The following NRXN3 variants were observed in gnomAD, a reference collection of about 807,000 sequenced individuals.
The protein encoded by NRXN3 is neurexin 3.
A neutral mutation model predicts 137.6 loss-of-function variants in NRXN3; 32 were observed. The ratio of observed to expected loss-of-function variants is 0.23; its 90% CI spans 0.18 to 0.31. NRXN3 has a LOEUF of 0.31. Among genes scored for constraint, NRXN3 ranks in the 10% least tolerant of loss-of-function variants. NRXN3 has a pLI of 1.00. For missense variants in NRXN3, 1,574 were observed against 2,062.5 expected, an observed-to-expected ratio of 0.76 and a Z score of 4.59; for synonymous variants, 798 against 784.5, an observed-to-expected ratio of 1.02 and a Z score of -0.29.
chr14:79,280,816 T>G (rs1010344833), intron 15 of NRXN3: 5 of 412,108 alleles, frequency 1.2e-5, no homozygotes, highest in African/African-American at 6.0e-5. Flanking sequence ...ACTCTCTCTT[T>G]TGCAACCTTC....
chr14:79,217,639 T>C (rs1434856875), intron 15 of NRXN3, among the ~76,000 whole-genome samples: 3 of 152,194 alleles, frequency 2.0e-5, no homozygotes, highest in Admixed American at 2.0e-4. Flanking sequence ...AGTGATGTTC[T>C]AGTGGTTCTC....
In NRXN3 at chr14:79,725,880, G is replaced by A. The variant is rs187555332; in HGVS notation, c.4014+27943G>A. ...CAGTGCAGTTGTTTGCTAACATCTGGGTGTACTTTTTGCAACATGGGGAGA... is the reference window on the plus strand; with the variant it reads ...CAGTGCAGTTGTTTGCTAACATCTGAGTGTACTTTTTGCAACATGGGGAGA... On this transcript the variant is annotated intron_variant, in intron 19 of 20. Transcript: ENST00000335750. Among the ~76,000 whole-genome samples the A allele has an allele frequency of 5.9e-5, 9 of 152,164 alleles. No homozygotes were observed. In the East Asian group the frequency reaches 1.7e-3, roughly 29 times the overall value.
chr14:79,785,580 T>C (rs1223487906), intron 19 of NRXN3, among the ~76,000 whole-genome samples: 1 of 152,200 alleles, frequency 6.6e-6, no homozygotes. Context: ...ACTCAGAATC[T>C]ATCTCTCTTT....
intron 15 of NRXN3, among the ~76,000 whole-genome samples, chr14:79,077,464 T>C (rs2046170065): frequency 6.6e-6 from 1 of 152,202 alleles, no homozygotes; most frequent in Non-Finnish European, 1.5e-5. Flanking sequence ...AAATTATTAA[T>C]TTCTCTCCCT....
intron 19 of NRXN3, among the ~76,000 whole-genome samples, chr14:79,754,799 G>T (rs964589963): frequency 1.3e-5 from 2 of 151,782 alleles, no homozygotes; most frequent in African/African-American, 2.4e-5. Flanking sequence ...GAGGTGATTG[G>T]ATTATGGAAC....
chr14:79,352,597 T>A (rs1392084410), intron 15 of NRXN3, among the ~76,000 whole-genome samples: 1 of 152,144 alleles, frequency 6.6e-6, no homozygotes, highest in Non-Finnish European at 1.5e-5. Flanking sequence ...GGCCAAAGAA[T>A]GTTTGTCTTC....
chr14:79,485,425 T>A (rs1362107165), intron 16 of NRXN3, among the ~76,000 whole-genome samples: 1 of 152,180 alleles, frequency 6.6e-6, no homozygotes, highest in Non-Finnish European at 1.5e-5. Context: ...TATCACCTTC[T>A]GAGACTATGA....
intron 15 of NRXN3, among the ~76,000 whole-genome samples, chr14:79,184,808 C>A (rs1476676100): frequency 6.6e-6 from 1 of 152,080 alleles, no homozygotes; most frequent in Non-Finnish European, 1.5e-5. Context: ...ATTGGCAATC[C>A]CTAATGGAAA....
At chr14:79,693,072 G>T (rs1490860528) in intron 18 of NRXN3, among the ~76,000 whole-genome samples, 2 of 151,992 alleles carry the variant, frequency 1.3e-5, no homozygotes, top group Non-Finnish European at 2.9e-5. Flanking sequence ...AAAGAGGGCA[G>T]CGGTTATAAC....
intron 15 of NRXN3, among the ~76,000 whole-genome samples, chr14:79,384,797 A>T (rs1457127703): frequency 6.6e-6 from 1 of 152,196 alleles, no homozygotes; most frequent in African/African-American, 2.4e-5. Context: ...CATCCATAAA[A>T]TGAGGGTAAT....
chr14:79,812,529 C>G (rs1311626341), intron 20 of NRXN3, among the ~76,000 whole-genome samples: 1 of 151,878 alleles, frequency 6.6e-6, no homozygotes, highest in Non-Finnish European at 1.5e-5. Flanking sequence ...AAAAATCACA[C>G]AAGATGATGC....
At chr14:79,425,833 A>G (rs1759417275) in intron 15 of NRXN3, among the ~76,000 whole-genome samples, 1 of 152,194 alleles carries the variant, frequency 6.6e-6, no homozygotes, top group Non-Finnish European at 1.5e-5. Context: ...TGGAGACAGA[A>G]TGGACACTAG....
chr14:79,590,328 G>A (rs1337722657), intron 16 of NRXN3, among the ~76,000 whole-genome samples: 1 of 147,694 alleles, frequency 6.8e-6, no homozygotes, highest in Non-Finnish European at 1.5e-5. Flanking sequence ...CATGTAAAAT[G>A]TGCTGCTCCA....
intron 15 of NRXN3, among the ~76,000 whole-genome samples, chr14:79,405,998 A>T (rs1430808963): frequency 6.6e-6 from 1 of 152,210 alleles, no homozygotes; most frequent in Non-Finnish European, 1.5e-5. Flanking sequence ...TGCTGGGAAC[A>T]TGTCCATGAA....
chr14:79,395,137 G>A (rs1206865837), intron 15 of NRXN3, among the ~76,000 whole-genome samples: 1 of 152,178 alleles, frequency 6.6e-6, no homozygotes, highest in Non-Finnish European at 1.5e-5. Context: ...TGTGCTAATT[G>A]CTGTGGGAAA....
intron 4 of NRXN3, among the ~76,000 whole-genome samples, chr14:78,462,561 C>T (rs942256314): frequency 4.6e-5 from 7 of 152,304 alleles, no homozygotes; most frequent in African/African-American, 1.7e-4. Context: ...GCATCTGTCT[C>T]TCTCCAGCTC....
intron 10 of NRXN3, among the ~76,000 whole-genome samples, chr14:78,926,251 TTATAAATTAGGCAGAGTAAGAGTTCA>T (rs2099290234): frequency 6.6e-6 from 1 of 152,004 alleles, no homozygotes; most frequent in Non-Finnish European, 1.5e-5. Flanking sequence ...AAAGTTTAAT[TTATAAATTAGGCAGAGTAAGAGTTCA>T]ACAACAGTAA....
chr14:78,710,034 C>G (rs986200317), intron 7 of NRXN3: 4 of 218,920 alleles, frequency 1.8e-5, no homozygotes, highest in Non-Finnish European at 3.6e-5. Flanking sequence ...ATTGTGACAT[C>G]ACAGATGCTG....
chr14:78,503,082 TG>T (rs2095911366), intron 4 of NRXN3, among the ~76,000 whole-genome samples: 1 of 152,130 alleles, frequency 6.6e-6, no homozygotes, highest in Non-Finnish European at 1.5e-5. Flanking sequence ...AATATGAGGA[TG>T]GGTAAATGTC....
Sources: gnomAD v4.1 joint callset for allele counts (sites outside exome capture counted in the v4.1 genomes callset) on GRCh38, gnomAD v4.1.1 for gene constraint, MANE v1.5 for transcripts, NCBI Gene and HGNC (gene_info 2026-07-23, HGNC 2026-07-21) for gene names.